The following TSPAN16 variants were observed in gnomAD, a reference collection of about 807,000 sequenced individuals.
TSPAN16 encodes the protein tetraspanin 16.
TSPAN16 carries 23 observed loss-of-function variants against 25.2 expected under a neutral mutation model. That is an observed-to-expected ratio of 0.91 (90% CI 0.66 to 1.29). The LOEUF (loss-of-function observed/expected upper bound fraction) is 1.29, where lower values mean the gene tolerates loss of function less well. Among genes scored for constraint, TSPAN16 ranks in the 50% most tolerant of loss-of-function variants. The pLI, the probability that TSPAN16 is intolerant of heterozygous loss-of-function variation, is 0.00. For missense variants in TSPAN16, 272 were observed against 299.9 expected (o/e 0.91, Z 0.69); for synonymous variants, 123 against 124.4 (o/e 0.99, Z 0.08).
rs1217553217 is a variant in TSPAN16, at chr19:11,298,916, T to G, written c.312T>G (p.Ala104=). ...TTGTCCTCATCATGGAAGTTACAGC[T>G]GCCACAGTGGTCCTTCTTTTCTTTC... ...MVIVLIMEVT[A]ATVVLLFFPI... The change falls in exon 3 of 7, where the codon GCT becomes GCG. Residue 104 remains alanine, a synonymous_variant. Coordinates refer to ENST00000590327, the MANE Select transcript of TSPAN16 (RefSeq NM_001282509.2). The G allele has an allele frequency of 6.2e-7, 1 of 1,614,006 alleles. No homozygotes were observed. The highest frequency in any genetic ancestry group is 1.3e-5 in the African/African-American group (1 of 74,922).
chr19:11,311,248 G>T (rs1286662648), intron 5 of TSPAN16, among the ~76,000 whole-genome samples: 1 of 152,176 alleles, frequency 6.6e-6, no homozygotes, highest in East Asian at 1.9e-4. Context: ...TGATTCTCCT[G>T]CCTCAGCCTC....
intron 1 of TSPAN16, among the ~76,000 whole-genome samples, 154 bp downstream of exon 1, chr19:11,296,520 G>T (rs973548113): frequency 6.6e-6 from 1 of 152,142 alleles, no homozygotes; most frequent in African/African-American, 2.4e-5. Flanking sequence ...AGGAGGAGGA[G>T]CAGGGAGCGT....
chr19:11,321,507 C>G (rs1344237697), intron 6 of TSPAN16, among the ~76,000 whole-genome samples: 1 of 152,174 alleles, frequency 6.6e-6, no homozygotes, highest in South Asian at 2.1e-4. Flanking sequence ...GGACACAAAG[C>G]CAAACCATAT....
intron 4 of TSPAN16, among the ~76,000 whole-genome samples, chr19:11,304,172 GC>G (rs1182806531): frequency 6.6e-6 from 1 of 151,542 alleles, no homozygotes; most frequent in East Asian, 1.9e-4. Context: ...AGCAAGACTG[GC>G]CTTTAAGTGT....
chr19:11,326,964 T>A, exon 7 of TSPAN16: 1 of 489,292 alleles, frequency 2.0e-6, no homozygotes. Context: ...TGTCCCTGAA[T>A]CTCCATGCAG....
chr19:11,312,579 G>C (rs1301873551), intron 6 of TSPAN16, among the ~76,000 whole-genome samples: 1 of 151,698 alleles, frequency 6.6e-6, no homozygotes, highest in African/African-American at 2.4e-5. Flanking sequence ...GCAACATAGT[G>C]AGACTCCCCA....
chr19:11,307,177 TG>T (rs2147946944), intron 5 of TSPAN16, among the ~76,000 whole-genome samples: 1 of 152,156 alleles, frequency 6.6e-6, no homozygotes, highest in East Asian at 1.9e-4. Flanking sequence ...TGGAGTGCAA[TG>T]GTGCCATCTT....
chr19:11,309,583 C>G (rs2080668398), intron 5 of TSPAN16, among the ~76,000 whole-genome samples: 2 of 152,256 alleles, frequency 1.3e-5, no homozygotes, highest in African/African-American at 4.8e-5. Context: ...TGAGGCTGTT[C>G]TGACTTCCCA....
chr19:11,326,857 G>A (rs892728293), exon 7 of TSPAN16: 24 of 633,496 alleles, frequency 3.8e-5, no homozygotes, highest in East Asian at 1.5e-4. Flanking sequence ...CGATCCCCCC[G>A]CCTAGGCCTC....
Position 11,315,893 on chromosome 19 carries a change from A to G in TSPAN16, c.*55A>G, listed in dbSNP as rs1332093060. On this transcript the variant is annotated 3_prime_UTR_variant, in exon 7 of 7. Coordinates refer to ENST00000590327, the MANE Select transcript of TSPAN16 (RefSeq NM_001282509.2). The stretch of plus-strand genomic sequence containing the variant: ...GGGCCCATCTGGCTGCTGGAGATTC[A>G]GTCTCAGTTTTATTTCTCTGTGGCA... The G allele has an allele frequency of 8.1e-6, 10 of 1,231,478 alleles. No individual in the cohort carries two copies. Among genetic ancestry groups the G allele is most frequent in the Non-Finnish European group, 1.0e-5 (10 of 987,652 alleles). 76.3% of individuals were successfully genotyped at this position (1,231,478 alleles called of 1,614,324 possible).
At chr19:11,304,491 C>T (rs1006971636) in intron 4 of TSPAN16, among the ~76,000 whole-genome samples, 3 of 151,052 alleles carry the variant, frequency 2.0e-5, no homozygotes, top group African/African-American at 7.4e-5. Flanking sequence ...TACAGGTGCA[C>T]ACCACCACAC....
At chr19:11,301,141 C>A in intron 3 of TSPAN16, 60 bp from the exon 4 acceptor site, 2 of 1,434,002 alleles carry the variant, frequency 1.4e-6, no homozygotes, top group Non-Finnish European at 2.0e-6. Context: ...AGAACCTCGG[C>A]CAATGAACGG....
intron 5 of TSPAN16, among the ~76,000 whole-genome samples, chr19:11,310,049 G>A (rs1378142289): frequency 6.6e-6 from 1 of 151,878 alleles, no homozygotes; most frequent in Non-Finnish European, 1.5e-5. Context: ...AGGCTGCAGT[G>A]AGCTATGGTC....
chr19:11,312,239 C>T lies in TSPAN16; in HGVS notation c.687+17C>T, dbSNP rs1170072685. 6.3e-7 allele frequency: 1 copy of T among 1,588,454 alleles called. No homozygotes were observed. The highest frequency in any genetic ancestry group is 2.2e-5 in the East Asian group (1 of 44,446). ...GTGATACAGGTAAGACCCAGCCTCT[C>T]TAGGGTCTTTGAGCTGTTTTATTAA... On this transcript the variant is annotated intron_variant, in intron 6 of 6. Coordinates refer to ENST00000590327, the MANE Select transcript of TSPAN16 (RefSeq NM_001282509.2).
chr19:11,312,307 A>T, intron 6 of TSPAN16, 85 bp downstream of exon 6: 2 of 680,700 alleles, frequency 2.9e-6, no homozygotes, highest in Non-Finnish European at 4.5e-6. Flanking sequence ...ACTGGGACAC[A>T]GGAGTGAACA....
At chr19:11,318,620 T>A (rs890922858), downstream of TSPAN16, among the ~76,000 whole-genome samples, 1 of 151,956 alleles carries the variant, frequency 6.6e-6, no homozygotes, top group Admixed American at 6.6e-5. Context: ...CAGAAGAGGT[T>A]GCAAAATGGT....
intron 3 of TSPAN16, among the ~76,000 whole-genome samples, chr19:11,300,272 G>A (rs931832294): frequency 3.3e-5 from 5 of 152,190 alleles, no homozygotes; most frequent in African/African-American, 9.6e-5. Context: ...TGGCAAATGA[G>A]GCAGGTAAGG....
intron 1 of TSPAN16, among the ~76,000 whole-genome samples, chr19:11,297,050 AT>A (rs1269578288): frequency 4.6e-5 from 7 of 152,334 alleles, no homozygotes; most frequent in East Asian, 1.9e-4. Flanking sequence ...CAATAAAAAA[AT>A]AAAAGAATAA....
At chr19:11,296,426 C>A in intron 1 of TSPAN16, 60 bp downstream of exon 1, 5 of 1,547,054 alleles carry the variant, frequency 3.2e-6, no homozygotes, top group Non-Finnish European at 4.5e-6. Flanking sequence ...CAGTCAGCTC[C>A]CTGAAAGACA....
Sources: allele counts gnomAD v4.1 joint callset (sites outside exome capture counted in the v4.1 genomes callset), GRCh38; gene constraint gnomAD v4.1.1; transcripts MANE v1.5; gene names NCBI Gene and HGNC (gene_info 2026-07-23, HGNC 2026-07-21).